The following LRRTM4 variants were observed in gnomAD, a reference collection of about 807,000 sequenced individuals.
LRRTM4 encodes leucine-rich repeat transmembrane neuronal protein 4.
LRRTM4 carries 25 observed loss-of-function variants against 47.6 expected under a neutral mutation model. The observed-to-expected ratio is 0.53, with a 90% CI of 0.38 to 0.73. The LOEUF (loss-of-function observed/expected upper bound fraction) is 0.73. Among genes scored for constraint, LRRTM4 ranks in the 30% least tolerant of loss-of-function variants. The pLI is 0.00. For missense variants in LRRTM4, 638 were observed against 713.4 expected (o/e 0.89, Z 1.20); for synonymous variants, 311 against 269.5 (o/e 1.15, Z -1.51).
At chr2:76,809,973 T>G (rs968006765) in intron 3 of LRRTM4, among the ~76,000 whole-genome samples, 6 of 152,162 alleles carry the variant, frequency 3.9e-5, no homozygotes, top group African/African-American at 1.4e-4. Context: ...ATAAAAAAAA[T>G]TCATCAGCTG....
At chr2:77,038,790 G>A (rs984698767) in intron 3 of LRRTM4, among the ~76,000 whole-genome samples, 1 of 151,430 alleles carries the variant, frequency 6.6e-6, no homozygotes, top group Non-Finnish European at 1.5e-5. Flanking sequence ...ATCAGTTGGA[G>A]AGTTTCTTCT....
intron 3 of LRRTM4, among the ~76,000 whole-genome samples, chr2:76,897,365 G>C (rs1673457248): frequency 6.6e-6 from 1 of 152,104 alleles, no homozygotes; most frequent in Admixed American, 6.6e-5. Context: ...GAGCTTGTGT[G>C]TAAGGGACAG....
intron 3 of LRRTM4, among the ~76,000 whole-genome samples, chr2:77,196,631 C>T: frequency 6.6e-6 from 1 of 152,218 alleles, no homozygotes; most frequent in East Asian, 1.9e-4. Flanking sequence ...GTATTCCCAG[C>T]TTAGTAGGCT....
chr2:77,188,020 C>T (rs1673558934), intron 3 of LRRTM4, among the ~76,000 whole-genome samples: 2 of 152,222 alleles, frequency 1.3e-5, no homozygotes, highest in South Asian at 2.1e-4. Flanking sequence ...AATTATACTA[C>T]ATACCAATTT....
intron 3 of LRRTM4, among the ~76,000 whole-genome samples, chr2:77,420,847 CT>C (rs1674849068): frequency 6.9e-6 from 1 of 144,496 alleles, no homozygotes; most frequent in African/African-American, 2.5e-5. Context: ...TCTTAAGGCC[CT>C]TTCAGTGGAC....
At chr2:76,948,492 T>G (rs1409034819) in intron 3 of LRRTM4, among the ~76,000 whole-genome samples, 1 of 151,852 alleles carries the variant, frequency 6.6e-6, no homozygotes, top group East Asian at 1.9e-4. Flanking sequence ...TTTTCATATT[T>G]TTTTGATATC....
intron 3 of LRRTM4, among the ~76,000 whole-genome samples, chr2:76,805,266 G>A (rs58518932): frequency 0.11 from 16,977 of 152,114 alleles, 1,122 homozygotes; most frequent in Non-Finnish European, 0.14. Context: ...ATGGCCAGGG[G>A]AAAGGTACAT....
chr2:77,035,050 ATTTT>A (rs549279745), intron 3 of LRRTM4, among the ~76,000 whole-genome samples: 2 of 151,526 alleles, frequency 1.3e-5, no homozygotes, highest in Middle Eastern at 6.8e-3. Flanking sequence ...TATTTTTATT[ATTTT>A]TTTTCTTAAT....
intron 3 of LRRTM4, among the ~76,000 whole-genome samples, chr2:76,870,542 G>T (rs554536165): frequency 6.6e-6 from 1 of 152,226 alleles, no homozygotes; most frequent in South Asian, 2.1e-4. Context: ...GCAGGCCAAT[G>T]AACTTTTTTT....
At chr2:77,219,327 T>A (rs1289137158) in intron 3 of LRRTM4, among the ~76,000 whole-genome samples, 1 of 152,204 alleles carries the variant, frequency 6.6e-6, no homozygotes, top group Non-Finnish European at 1.5e-5. Context: ...GGGTTTGTAC[T>A]GATCATCATC....
chr2:77,018,246 A>T (rs1678141135), intron 3 of LRRTM4, among the ~76,000 whole-genome samples: 1 of 125,938 alleles, frequency 7.9e-6, no homozygotes, highest in Non-Finnish European at 1.7e-5. Context: ...ATGTAATGCT[A>T]AGCTCTTGAT....
At chr2:76,828,445 C>T (rs1347973654) in intron 3 of LRRTM4, among the ~76,000 whole-genome samples, 2 of 151,864 alleles carry the variant, frequency 1.3e-5, no homozygotes, top group Non-Finnish European at 2.9e-5. Context: ...ACTTCATGTG[C>T]TTTGAAGTGT....
intron 3 of LRRTM4, among the ~76,000 whole-genome samples, chr2:77,458,535 T>C (rs1676653785): frequency 6.6e-6 from 1 of 152,040 alleles, no homozygotes; most frequent in Non-Finnish European, 1.5e-5. Flanking sequence ...CAGTGTTTGG[T>C]ATAAATCTGG....
intron 3 of LRRTM4, among the ~76,000 whole-genome samples, chr2:77,307,298 G>A (rs967757431): frequency 5.9e-5 from 9 of 151,400 alleles, no homozygotes; most frequent in Non-Finnish European, 8.8e-5. Context: ...ATGTGACTTA[G>A]TAGTCACATT....
chr2:77,202,642 GC>G (rs1317418448), intron 3 of LRRTM4, among the ~76,000 whole-genome samples: 2 of 151,734 alleles, frequency 1.3e-5, no homozygotes, highest in East Asian at 3.9e-4. Flanking sequence ...AGTTATCCAA[GC>G]TTTGTAACTC....
rs1165489958 is a variant in LRRTM4 at position 77,190,435 on chromosome 2, C to T, written c.1551+327883G>A. Among the ~76,000 whole-genome samples, 3 of 151,710 alleles carry T rather than the reference C, an allele frequency of 2.0e-5. No individual in the cohort carries two copies. In the East Asian group the frequency reaches 5.8e-4, roughly 29 times the overall value. On this transcript the variant is annotated intron_variant, in intron 3 of 3. Coordinates refer to ENST00000409884, the MANE Select transcript of LRRTM4 (RefSeq NM_001134745.3). ...TCAGCCTCCCAAGTAGCTGGGATAA[C>T]AGGTGCCTGCCACCACACCCAGCTA...
chr2:77,360,263 C>T (rs1460404417), intron 3 of LRRTM4, among the ~76,000 whole-genome samples: 1 of 152,022 alleles, frequency 6.6e-6, no homozygotes, highest in East Asian at 1.9e-4. Context: ...AGAGACTATC[C>T]TGGCTAACAC....
At chr2:77,127,414 A>G (rs1052604944) in intron 3 of LRRTM4, among the ~76,000 whole-genome samples, 1 of 152,214 alleles carries the variant, frequency 6.6e-6, no homozygotes, top group Non-Finnish European at 1.5e-5. Flanking sequence ...CTAGTAAATG[A>G]TCTGATAGCT....
intron 3 of LRRTM4, among the ~76,000 whole-genome samples, chr2:77,220,608 A>T (rs919052572): frequency 4.2e-4 from 64 of 152,318 alleles, no homozygotes; most frequent in African/African-American, 1.5e-3. Context: ...GGTATCAGTG[A>T]TGGAAGATGA....
Sources: gnomAD v4.1 joint callset for allele counts (sites outside exome capture counted in the v4.1 genomes callset) on GRCh38, gnomAD v4.1.1 for gene constraint, MANE v1.5 for transcripts, NCBI Gene and HGNC (gene_info 2026-07-23, HGNC 2026-07-21) for gene names.